The following ALKBH8 variants were observed in gnomAD, a reference collection of about 807,000 sequenced individuals.
ALKBH8 encodes the protein alkB homolog 8, tRNA methyltransferase.
Under a neutral mutation model 59.8 loss-of-function variants are expected in ALKBH8, and 36 were observed. That is an observed-to-expected ratio of 0.60 (90% CI 0.46 to 0.79). The LOEUF (loss-of-function observed/expected upper bound fraction) is 0.79. ALKBH8 is among the 30% of genes least tolerant of loss of function. The probability of loss-of-function intolerance (pLI) is 0.00; values close to 1 mark genes in which losing one functional copy is unlikely to be tolerated. For missense variants in ALKBH8, 768 were observed against 801.0 expected (o/e 0.96, Z 0.50); for synonymous variants, 276 against 273.6 (o/e 1.01, Z -0.09).
intron 7 of ALKBH8, among the ~76,000 whole-genome samples, chr11:107,539,465 G>T (rs912933021): frequency 6.6e-6 from 1 of 152,098 alleles, no homozygotes; most frequent in Non-Finnish European, 1.5e-5. Flanking sequence ...CCGGCATGGT[G>T]GTGGGCGTCT....
intron 9 of ALKBH8, among the ~76,000 whole-genome samples, chr11:107,524,454 A>G (rs1054220638): frequency 2.6e-5 from 4 of 152,344 alleles, no homozygotes; most frequent in African/African-American, 9.6e-5. Flanking sequence ...AAACATTTGC[A>G]TAAGAAAACT....
rs1356505807 is a variant in ALKBH8, at chr11:107,543,543, A to G, written c.771+6210T>C. On this transcript the variant is annotated intron_variant, in intron 7 of 11. Transcript: ENST00000428149. ...TGCCCTGAATATTTGTTGATGATAG[A>G]CAACTCTCCAATATGTCCATGCACT... is the stretch of plus-strand genomic sequence containing the variant. 2.0e-5 allele frequency among the ~76,000 whole-genome samples: 3 copies of G among 152,198 alleles called. No individual in the cohort carries two copies. The East Asian group carries it at 5.8e-4, about 29-fold the overall frequency.
rs1274593302 is a variant in ALKBH8 at position 107,522,561 on chromosome 11, T to C, written c.1031-6A>G. The C allele has an allele frequency of 6.5e-7, 1 of 1,549,242 alleles. No homozygotes were observed. Among genetic ancestry groups the C allele is most frequent in the Admixed American group, 2.0e-5 (1 of 50,480 alleles). On this transcript the variant is annotated splice_polypyrimidine_tract_variant and splice_region_variant and intron_variant, in intron 9 of 11. Coordinates refer to ENST00000428149, the MANE Select transcript of ALKBH8 (RefSeq NM_138775.3). ...ATCACAGACCAACGGGTAACCTTAA[T>C]GAAAAAGCAATACACACCTTTCCTT...
chr11:107,515,429 C>T (rs1319893032), intron 10 of ALKBH8, among the ~76,000 whole-genome samples: 1 of 152,136 alleles, frequency 6.6e-6, no homozygotes, highest in Non-Finnish European at 1.5e-5. Flanking sequence ...AAACACAGCT[C>T]ACTGCAGCCT....
Position 107,530,153 on chromosome 11 carries a change from T to C in ALKBH8, c.878+2147A>G, listed in dbSNP as rs577975151. Among the ~76,000 whole-genome samples, 11 of 152,346 alleles carry C rather than the reference T, an allele frequency of 7.2e-5. No homozygotes were observed. In the South Asian group the frequency reaches 2.3e-3, roughly 32 times the overall value. On this transcript the variant is annotated intron_variant, in intron 8 of 11. Transcript: ENST00000428149. ...AATAAACTGCCACCATGTGGACAACTATTGCATCAGCCAAATAGAAAATAC... is the reference window on the plus strand; with the variant it reads ...AATAAACTGCCACCATGTGGACAACCATTGCATCAGCCAAATAGAAAATAC...
intron 3 of ALKBH8, among the ~76,000 whole-genome samples, chr11:107,556,312 A>G (rs1036670293): frequency 6.6e-6 from 1 of 152,164 alleles, no homozygotes; most frequent in African/African-American, 2.4e-5. Flanking sequence ...AAATAAAAAT[A>G]AAGTTTTAGG....
intron 9 of ALKBH8, among the ~76,000 whole-genome samples, 153 bp from the exon 10 acceptor site, chr11:107,522,708 T>C (rs1222303105): frequency 3.3e-5 from 5 of 152,026 alleles, no homozygotes; most frequent in Admixed American, 6.6e-5. Flanking sequence ...CCCTAATAAG[T>C]CTACTGAGGA....
At chr11:107,560,635 T>C in intron 2 of ALKBH8, 130 bp downstream of exon 2, 1 of 834,150 alleles carries the variant, frequency 1.2e-6, no homozygotes, top group East Asian at 2.8e-5. Context: ...TCATATCATA[T>C]GTACCTCTAA....
intron 4 of ALKBH8, 152 bp downstream of exon 4, chr11:107,553,695 T>A: frequency 1.3e-6 from 1 of 746,336 alleles, no homozygotes; most frequent in Non-Finnish European, 2.1e-6. Flanking sequence ...ATTATTAATG[T>A]TCCTAAGAAT....
At chr11:107,517,138 C>T (rs982124259) in intron 10 of ALKBH8, among the ~76,000 whole-genome samples, 7 of 152,132 alleles carry the variant, frequency 4.6e-5, no homozygotes, top group African/African-American at 1.7e-4. Flanking sequence ...TTAAAAAAGA[C>T]ATACAAATGG....
chr11:107,558,702 G>A (rs959686675), intron 2 of ALKBH8, among the ~76,000 whole-genome samples: 2 of 152,166 alleles, frequency 1.3e-5, no homozygotes, highest in South Asian at 2.1e-4. Context: ...ATAATTAAAT[G>A]TCATAACTAA....
At position 107,553,735 on chromosome 11, in the gene ALKBH8, C is replaced by T. The variant is rs916396645; in HGVS notation, c.499+112G>A. On this transcript the variant is annotated intron_variant, in intron 4 of 11. Transcript: ENST00000428149. The stretch of plus-strand genomic sequence containing the variant: ...GGTATGACTTGCCTAACATTGGATC[C>T]GGGCTAGTTTCAGTAATTTTGAGGA... 5.7e-5 allele frequency: 66 copies of T among 1,159,554 alleles called. No homozygotes were observed. The African/African-American group carries it at 7.8e-4, about 14-fold the overall frequency. 71.8% of individuals were successfully genotyped at this position (1,159,554 alleles called of 1,614,324 possible).
intron 7 of ALKBH8, among the ~76,000 whole-genome samples, chr11:107,539,023 A>G (rs1863932673): frequency 6.6e-6 from 1 of 152,240 alleles, no homozygotes; most frequent in African/African-American, 2.4e-5. Context: ...CCAAACAGAA[A>G]TATTCTATAG....
intron 1 of ALKBH8, among the ~76,000 whole-genome samples, chr11:107,564,696 G>A (rs1364823535): frequency 9.2e-5 from 14 of 152,014 alleles, no homozygotes; most frequent in Admixed American, 4.6e-4. Flanking sequence ...CACTTGTCAC[G>A]GCACCCCGTT....
intron 10 of ALKBH8, among the ~76,000 whole-genome samples, chr11:107,516,682 A>C (rs1386362937): frequency 6.6e-6 from 1 of 152,218 alleles, no homozygotes; most frequent in African/African-American, 2.4e-5. Flanking sequence ...GAATAGGAGA[A>C]AATATTTGCA....
At chr11:107,565,418 A>G (rs1865091495) in intron 1 of ALKBH8, 183 bp downstream of exon 1, 1 of 740,644 alleles carries the variant, frequency 1.4e-6, no homozygotes, top group Non-Finnish European at 2.2e-6. Flanking sequence ...CTAAACACTG[A>G]GAGAACCACC....
chr11:107,550,255 T>C (rs1864434700), intron 6 of ALKBH8, among the ~76,000 whole-genome samples: 1 of 152,248 alleles, frequency 6.6e-6, no homozygotes, highest in Non-Finnish European at 1.5e-5. Flanking sequence ...TCTATCAATT[T>C]ACATTAACTC....
intron 11 of ALKBH8, among the ~76,000 whole-genome samples, chr11:107,506,716 T>C (rs1862402652): frequency 6.6e-6 from 1 of 152,052 alleles, no homozygotes; most frequent in Non-Finnish European, 1.5e-5. Flanking sequence ...AAAATATAAT[T>C]TGTAAGATGA....
intron 10 of ALKBH8, among the ~76,000 whole-genome samples, chr11:107,513,916 A>C (rs1862745858): frequency 6.6e-6 from 1 of 152,160 alleles, no homozygotes; most frequent in South Asian, 2.1e-4. Context: ...GGTGGTGTAC[A>C]GATAAAAAAA....
Sources: allele counts gnomAD v4.1 joint callset (sites outside exome capture counted in the v4.1 genomes callset), GRCh38; gene constraint gnomAD v4.1.1; transcripts MANE v1.5; gene names NCBI Gene and HGNC (gene_info 2026-07-23, HGNC 2026-07-21).